The following GOLGA7 variants were observed in gnomAD, a reference collection of about 807,000 sequenced individuals.
GOLGA7 encodes the protein golgin subfamily A member 7.
GOLGA7 carries 10 observed loss-of-function variants against 21.1 expected under a neutral mutation model. The ratio of observed to expected loss-of-function variants is 0.47; its 90% CI spans 0.29 to 0.80. The LOEUF is 0.80. Among genes scored for constraint, GOLGA7 ranks in the 30% least tolerant of loss-of-function variants. The pLI is 0.08. For missense variants in GOLGA7, 114 were observed against 166.8 expected, an observed-to-expected ratio of 0.68 and a Z score of 1.74; for synonymous variants, 64 against 62.6, an observed-to-expected ratio of 1.02 and a Z score of -0.10.
chr8:41,497,203 A>G (rs1806040094), intron 1 of GOLGA7, among the ~76,000 whole-genome samples: 1 of 151,800 alleles, frequency 6.6e-6, no homozygotes, highest in Non-Finnish European at 1.5e-5. Flanking sequence ...GATTTTTCAT[A>G]GTATCTGATA....
At chr8:41,493,337 T>A (rs977499769) in intron 1 of GOLGA7, among the ~76,000 whole-genome samples, 15 of 152,330 alleles carry the variant, frequency 9.8e-5, no homozygotes, top group Non-Finnish European at 1.9e-4. Flanking sequence ...AACATCACAC[T>A]TGGCAACATA....
At chr8:41,492,105 A>G (rs968378071) in intron 1 of GOLGA7, among the ~76,000 whole-genome samples, 2 of 152,166 alleles carry the variant, frequency 1.3e-5, no homozygotes, top group Non-Finnish European at 2.9e-5. Flanking sequence ...GGGCAGCTTC[A>G]TGGCCCAAAT....
intron 2 of GOLGA7, among the ~76,000 whole-genome samples, chr8:41,505,342 G>A (rs1806259174): frequency 6.6e-6 from 1 of 152,100 alleles, no homozygotes; most frequent in Admixed American, 6.6e-5. Flanking sequence ...GAAACTCCCT[G>A]GCAGCTAATG....
chr8:41,497,446 T>C (rs949535322), intron 1 of GOLGA7, 63 bp from the exon 2 acceptor site: 1 of 842,498 alleles, frequency 1.2e-6, no homozygotes, highest in African/African-American at 1.7e-5. Context: ...AAATTAATGA[T>C]AGCATGCATT....
In GOLGA7 at chr8:41,490,773, C is replaced by A; in HGVS notation, c.-82C>A. On this transcript the variant is annotated 5_prime_UTR_variant, in exon 1 of 5. Transcript: ENST00000357743. The stretch of plus-strand genomic sequence containing the variant: ...GGGTGGGGGCGAGGGGCTGGCGGGT[C>A]AGAGTCCCGGGTCCAGGCCGGGGCT... 2 of 730,978 alleles carry A rather than the reference C, an allele frequency of 2.7e-6. No individual in the cohort carries two copies. The highest frequency in any genetic ancestry group is 3.4e-5 in the South Asian group (2 of 58,088). 45.3% of individuals were successfully genotyped at this position (730,978 alleles called of 1,614,324 possible). A position where few individuals can be genotyped will look rare whatever the true frequency, so the allele number is the denominator to read the frequency against.
At position 41,507,164 on chromosome 8, in the gene GOLGA7, T is replaced by A. The variant is rs538384460; in HGVS notation, c.*15+43T>A. 364 of 792,940 alleles carry A rather than the reference T, an allele frequency of 4.6e-4. 4 individuals are homozygous for A. Among genetic ancestry groups the A allele is most frequent in the South Asian group, 3.8e-3 (280 of 73,222 alleles). The allele number at this position is 792,940 out of a possible 1,614,324, so 49.1% of individuals were successfully genotyped here. ...TGGCTTGTATGCAGCTTTTGCAAGT[T>A]TAGAGGATGCATGAATATTCTTCCC... On this transcript the variant is annotated intron_variant, in intron 4 of 4. Coordinates refer to ENST00000357743, the MANE Select transcript of GOLGA7 (RefSeq NM_001002296.2).
chr8:41,500,090 T>C (rs1303753870), intron 2 of GOLGA7, among the ~76,000 whole-genome samples: 1 of 152,242 alleles, frequency 6.6e-6, no homozygotes, highest in Admixed American at 6.5e-5. Context: ...AAGCCTACTA[T>C]GTGCTAAGCA....
At chr8:41,498,347 T>G (rs190062518) in intron 2 of GOLGA7, among the ~76,000 whole-genome samples, 24 of 152,334 alleles carry the variant, frequency 1.6e-4, no homozygotes, top group Non-Finnish European at 2.1e-4. Flanking sequence ...GCAGATTTAC[T>G]TCCCCTACTA....
chr8:41,492,640 C>T (rs1472111046), intron 1 of GOLGA7, among the ~76,000 whole-genome samples: 6 of 152,054 alleles, frequency 3.9e-5, no homozygotes, highest in South Asian at 2.1e-4. Flanking sequence ...CCAGCCTGGG[C>T]GACAGAGCAA....
chr8:41,501,739 A>AT (rs1806155294), intron 2 of GOLGA7, among the ~76,000 whole-genome samples: 1 of 152,246 alleles, frequency 6.6e-6, no homozygotes, highest in African/African-American at 2.4e-5. Flanking sequence ...TTTTAATCAG[A>AT]TATTTGTGAA....
chr8:41,492,415 ACT>A (rs1385212098), intron 1 of GOLGA7, among the ~76,000 whole-genome samples: 1 of 151,154 alleles, frequency 6.6e-6, no homozygotes, highest in Admixed American at 6.6e-5. Context: ...TAATCCCAGC[ACT>A]CTGGGAGGCC....
At chr8:41,494,919 A>G (rs968980876) in intron 1 of GOLGA7, among the ~76,000 whole-genome samples, 4 of 152,118 alleles carry the variant, frequency 2.6e-5, no homozygotes, top group Non-Finnish European at 4.4e-5. Context: ...ATTGTTTTAC[A>G]CTTTAAAAGA....
intron 2 of GOLGA7, among the ~76,000 whole-genome samples, chr8:41,499,532 C>T (rs1029297458): frequency 2.0e-5 from 3 of 152,136 alleles, no homozygotes; most frequent in Admixed American, 1.3e-4. Flanking sequence ...TCAGGCCGCT[C>T]GATGACCGAA....
chr8:41,509,115 T>C (rs1374511666), intron 4 of GOLGA7, among the ~76,000 whole-genome samples: 1 of 152,254 alleles, frequency 6.6e-6, no homozygotes, highest in African/African-American at 2.4e-5. Flanking sequence ...TTGCCATCTT[T>C]ATATAAAATG....
Position 41,491,103 on chromosome 8 carries a change from A to C in GOLGA7, c.111+138A>C, listed in dbSNP as rs866427124. On this transcript the variant is annotated intron_variant, in intron 1 of 4. Transcript: ENST00000357743. The stretch of plus-strand genomic sequence containing the variant: ...CCAGGCACAGAAGGGGCCTTGGCCA[A>C]ACGTGTAAGAAGAGAGCCACTAAGC... The C allele has an allele frequency of 1.6e-5, 10 of 633,440 alleles. No individual in the cohort carries two copies. In the Middle Eastern group the frequency reaches 1.2e-3, roughly 79 times the overall value. The allele number at this position is 633,440 out of a possible 1,614,324, so 39.2% of individuals were successfully genotyped here.
chr8:41,502,807 AC>A (rs1287489578), intron 2 of GOLGA7, among the ~76,000 whole-genome samples: 1 of 152,242 alleles, frequency 6.6e-6, no homozygotes, highest in Non-Finnish European at 1.5e-5. Context: ...TAAATATTAT[AC>A]AAATTGAAGT....
intron 2 of GOLGA7, among the ~76,000 whole-genome samples, chr8:41,504,315 T>C (rs1806230643): frequency 6.6e-6 from 1 of 152,092 alleles, no homozygotes; most frequent in African/African-American, 2.4e-5. Context: ...TCTTCCCTAG[T>C]ATTACTGGAC....
intron 1 of GOLGA7, among the ~76,000 whole-genome samples, chr8:41,496,158 C>T (rs6474350): frequency 0.58 from 88,715 of 151,932 alleles, 27,073 homozygotes; most frequent in South Asian, 0.78. Flanking sequence ...CTTTATGAGA[C>T]AAAGTGTGTG....
intron 4 of GOLGA7, among the ~76,000 whole-genome samples, chr8:41,508,625 G>A (rs568002523): frequency 1.3e-5 from 2 of 152,200 alleles, no homozygotes; most frequent in South Asian, 2.1e-4. Context: ...CAGCTATTGT[G>A]TAATCATGTG....
Sources: gnomAD v4.1 joint callset for allele counts (sites outside exome capture counted in the v4.1 genomes callset) on GRCh38, gnomAD v4.1.1 for gene constraint, MANE v1.5 for transcripts, NCBI Gene and HGNC (gene_info 2026-07-23, HGNC 2026-07-21) for gene names.